TSG101: variants seen among roughly 807,000 people sequenced by gnomAD.
TSG101 encodes tumor susceptibility gene 101 protein.
In TSG101, 19 loss-of-function variants were observed where a neutral mutation model predicts 48.5. That is an observed-to-expected ratio of 0.39 (90% CI 0.27 to 0.58). The LOEUF is 0.58. TSG101 is among the 20% of genes least tolerant of loss of function. The probability of loss-of-function intolerance (pLI) is 0.55; values close to 1 mark genes in which losing one functional copy is unlikely to be tolerated. For missense variants in TSG101, 365 were observed against 484.4 expected (o/e 0.75, Z 2.31); for synonymous variants, 174 against 169.4 (o/e 1.03, Z -0.21).
intron 6 of TSG101, 35 bp downstream of exon 6, chr11:18,506,822 G>C (rs1413849548): frequency 6.7e-7 from 1 of 1,493,816 alleles, no homozygotes; most frequent in Non-Finnish European, 9.1e-7. Flanking sequence ...AGAAGAATTT[G>C]TAATACAATT....
At chr11:18,519,898 C>T (rs1003952875) in intron 1 of TSG101, among the ~76,000 whole-genome samples, 2 of 152,114 alleles carry the variant, frequency 1.3e-5, no homozygotes, top group African/African-American at 4.8e-5. Flanking sequence ...TTTAACTCAC[C>T]ATTAATAGCT....
chr11:18,515,127 C>T (rs909561835), intron 3 of TSG101, among the ~76,000 whole-genome samples: 1 of 152,174 alleles, frequency 6.6e-6, no homozygotes, highest in African/African-American at 2.4e-5. Context: ...TTAATAGTGG[C>T]TCAAATGTCA....
At chr11:18,515,646 T>C (rs1850158131) in intron 3 of TSG101, among the ~76,000 whole-genome samples, 1 of 152,226 alleles carries the variant, frequency 6.6e-6, no homozygotes, top group African/African-American at 2.4e-5. Context: ...TCCCCCAAGT[T>C]AGGTACTATT....
intron 7 of TSG101, chr11:18,490,956 C>T (rs746661550): frequency 8.3e-5 from 25 of 300,864 alleles, no homozygotes; most frequent in Admixed American, 3.8e-4. Context: ...TTTATCCAGT[C>T]GTTCCCGTGG....
chr11:18,523,177 A>AC (rs1850307254), intron 1 of TSG101, among the ~76,000 whole-genome samples: 1 of 152,138 alleles, frequency 6.6e-6, no homozygotes. Flanking sequence ...TTTCAGGTGT[A>AC]AGCCCCATGT....
intron 3 of TSG101, 81 bp from the exon 4 acceptor site, chr11:18,514,922 T>C: frequency 7.6e-7 from 1 of 1,318,472 alleles, no homozygotes. Flanking sequence ...AGAGGTTTAG[T>C]CTAGATACAA....
rs2291754 is a variant in TSG101, at chr11:18,480,471, T to C, written c.*75A>G. The stretch of plus-strand genomic sequence containing the variant: ...TTGAATGATAAACTGCAATAACTTA[T>C]TCTGGGCACCTACTGATAAAAGGAA... On this transcript the variant is annotated 3_prime_UTR_variant, in exon 10 of 10. Coordinates refer to ENST00000251968, the MANE Select transcript of TSG101 (RefSeq NM_006292.4). The C allele has an allele frequency of 2.1e-3, 2,359 of 1,142,918 alleles. 49 individuals are homozygous for C. In the East Asian group the frequency reaches 0.048, roughly 23 times the overall value. The allele number at this position is 1,142,918 out of a possible 1,614,324, so 70.8% of individuals were successfully genotyped here. A position where few individuals can be genotyped will look rare whatever the true frequency, so the allele number is the denominator to read the frequency against.
At chr11:18,497,182 T>C (rs879401249) in intron 7 of TSG101, among the ~76,000 whole-genome samples, 20 of 152,148 alleles carry the variant, frequency 1.3e-4, no homozygotes, top group South Asian at 6.2e-4. Context: ...ATCGTGACCA[T>C]TGATATACTG....
At chr11:18,510,078 G>A (rs767960651) in intron 4 of TSG101, among the ~76,000 whole-genome samples, 39 of 152,236 alleles carry the variant, frequency 2.6e-4, no homozygotes, top group Non-Finnish European at 4.4e-4. Flanking sequence ...TTGGAAATAC[G>A]TGTTCTTAAA....
rs917563952 is a variant in TSG101 at position 18,521,359 on chromosome 11, C to CTTTTTTT, written c.43-1763_43-1757dup. Among the ~76,000 whole-genome samples, 6 of 99,832 alleles carry CTTTTTTT rather than the reference C, an allele frequency of 6.0e-5. 1 individual carries two copies. Among genetic ancestry groups the CTTTTTTT allele is most frequent in the Admixed American group, 1.2e-4 (1 of 8,454 alleles). 65.5% of individuals were successfully genotyped at this position (99,832 alleles called of 152,430 possible). On this transcript the variant is annotated intron_variant, in intron 1 of 9. Transcript: ENST00000251968. ...CAGCAATATTTGACCAAACTGATTC[C>CTTTTTTT]TTTTTTTTTTTTTTTTTTTTTTTTT... is the stretch of plus-strand genomic sequence containing the variant.
intron 2 of TSG101, among the ~76,000 whole-genome samples, chr11:18,517,488 C>CA (rs1178306297): frequency 6.6e-6 from 1 of 152,162 alleles, no homozygotes; most frequent in Non-Finnish European, 1.5e-5. Context: ...AGTACAAAAA[C>CA]ATAGAACTAT....
At chr11:18,512,641 T>C (rs1301523594) in intron 4 of TSG101, among the ~76,000 whole-genome samples, 1 of 152,070 alleles carries the variant, frequency 6.6e-6, no homozygotes, top group Non-Finnish European at 1.5e-5. Context: ...CTATATATTA[T>C]CTTCTTCCAG....
Position 18,490,329 on chromosome 11 carries a change from T to TA in TSG101, c.641-6258_641-6257insT, listed in dbSNP as rs1849680333. On this transcript the variant is annotated intron_variant, in intron 7 of 9. Transcript: ENST00000251968. ...AAGTAATTGCATGATCAGAGTGCTGTCTTTATAAGACTCTTCATTCAGTGT... is the reference window on the plus strand; with the variant it reads ...AAGTAATTGCATGATCAGAGTGCTGTACTTTATAAGACTCTTCATTCAGTGT... The TA allele has an allele frequency of 5.0e-6, 3 of 597,880 alleles. No homozygotes were observed. The Admixed American group carries it at 5.8e-5, about 12-fold the overall frequency. 37.0% of individuals were successfully genotyped at this position (597,880 alleles called of 1,614,324 possible).
At chr11:18,497,599 G>T (rs1849803673) in intron 7 of TSG101, among the ~76,000 whole-genome samples, 1 of 152,052 alleles carries the variant, frequency 6.6e-6, no homozygotes, top group Non-Finnish European at 1.5e-5. Context: ...ATATAAAAAA[G>T]ATCTTTGTAA....
intron 1 of TSG101, among the ~76,000 whole-genome samples, chr11:18,520,668 T>C (rs1336215518): frequency 6.6e-6 from 1 of 152,238 alleles, no homozygotes. Context: ...GTGTTAATTG[T>C]ATCCCTTTAG....
chr11:18,489,323 C>T (rs1296023935), intron 7 of TSG101, among the ~76,000 whole-genome samples: 1 of 151,680 alleles, frequency 6.6e-6, no homozygotes, highest in Non-Finnish European at 1.5e-5. Flanking sequence ...CAGCCTTAAA[C>T]TCCTACGCTC....
At chr11:18,513,911 C>T (rs1850127151) in intron 4 of TSG101, among the ~76,000 whole-genome samples, 1 of 152,116 alleles carries the variant, frequency 6.6e-6, no homozygotes, top group South Asian at 2.1e-4. Flanking sequence ...CCCACCTCTA[C>T]TAAATACTAA....
At chr11:18,520,248 G>C (rs1850247192) in intron 1 of TSG101, among the ~76,000 whole-genome samples, 1 of 152,156 alleles carries the variant, frequency 6.6e-6, no homozygotes, top group Non-Finnish European at 1.5e-5. Flanking sequence ...TTTGGAGACA[G>C]GGTCTCGCTC....
intron 4 of TSG101, among the ~76,000 whole-genome samples, chr11:18,513,550 T>A (rs1199385853): frequency 6.6e-6 from 1 of 152,132 alleles, no homozygotes; most frequent in Non-Finnish European, 1.5e-5. Context: ...TCCTCCTGCC[T>A]CAGCTTTCCA....
Sources: gnomAD v4.1 joint callset for allele counts (sites outside exome capture counted in the v4.1 genomes callset) on GRCh38, gnomAD v4.1.1 for gene constraint, MANE v1.5 for transcripts, NCBI Gene and HGNC (gene_info 2026-07-23, HGNC 2026-07-21) for gene names.